The following HIVEP3 variants were observed in gnomAD, a reference collection of about 807,000 sequenced individuals.
HIVEP3 encodes transcription factor HIVEP3.
HIVEP3 carries 49 observed loss-of-function variants against 152.8 expected under a neutral mutation model. The observed-to-expected ratio is 0.32, with a 90% CI of 0.26 to 0.41. HIVEP3 has a LOEUF of 0.41. Among genes scored for constraint, HIVEP3 ranks in the 10% least tolerant of loss-of-function variants. The pLI, the probability that HIVEP3 is intolerant of heterozygous loss-of-function variation, is 1.00. For missense variants in HIVEP3, 2,790 were observed against 3,103.3 expected, an observed-to-expected ratio of 0.90 and a Z score of 2.40; for synonymous variants, 1,269 against 1,289.0, an observed-to-expected ratio of 0.98 and a Z score of 0.33.
At chr1:41,914,605 T>C (rs1227254528) in intron 1 of HIVEP3, among the ~76,000 whole-genome samples, 2 of 152,230 alleles carry the variant, frequency 1.3e-5, no homozygotes, top group East Asian at 3.8e-4. Context: ...ACTGAACACA[T>C]TGTCAGAGGG....
At chr1:41,756,952 C>T (rs1425356805) in intron 1 of HIVEP3, among the ~76,000 whole-genome samples, 1 of 151,934 alleles carries the variant, frequency 6.6e-6, no homozygotes, top group Non-Finnish European at 1.5e-5. Context: ...AAAATATTAG[C>T]AATGGTTGGC....
chr1:41,510,831 T>C lies in HIVEP3; in HGVS notation c.6841A>G (p.Thr2281Ala), dbSNP rs1558012677. ...GGAGGCCTGCCCGGGCCTCCGCCGGTCCTCTCCCTCTCCTTGGGGTAGTCC... is the reference window on the plus strand; with the variant it reads ...GGAGGCCTGCCCGGGCCTCCGCCGGCCCTCTCCCTCTCCTTGGGGTAGTCC... ...GGDYPKERER[T>A]GGGPGRPPDW... The change falls in exon 9 of 9, where the codon ACC (threonine) becomes GCC (alanine). Residue 2281 changes from threonine (T) to alanine (A), a missense_variant. Around this residue, in one of 9 missense-constraint regions of HIVEP3, gnomAD observed 816 missense variants for 806.5 expected, o/e 1.01. Coordinates refer to ENST00000372583, the MANE Select transcript of HIVEP3 (RefSeq NM_024503.5). 14 of 1,612,942 alleles carry C rather than the reference T, an allele frequency of 8.7e-6. No homozygotes were observed. The highest frequency in any genetic ancestry group is 1.0e-5 in the Non-Finnish European group (12 of 1,179,798).
At chr1:41,920,549 A>T (rs1170008853), upstream of HIVEP3, among the ~76,000 whole-genome samples, 1 of 151,860 alleles carries the variant, frequency 6.6e-6, no homozygotes, top group Non-Finnish European at 1.5e-5. Flanking sequence ...CTAAAAAAAA[A>T]TCAGTAAGAC....
At chr1:41,645,510 C>T (rs935655511) in intron 2 of HIVEP3, among the ~76,000 whole-genome samples, 3 of 152,238 alleles carry the variant, frequency 2.0e-5, no homozygotes, top group Non-Finnish European at 4.4e-5. Context: ...TCCACATGCA[C>T]CTGTGCAGTG....
At position 41,510,673 on chromosome 1, in the gene HIVEP3, C is replaced by T. The variant is rs1427909362; in HGVS notation, c.6999G>A (p.Glu2333=). Residue 2333 remains glutamate, a synonymous_variant, in exon 9 of 9, where the codon GAG becomes GAA. Coordinates refer to ENST00000372583, the MANE Select transcript of HIVEP3 (RefSeq NM_024503.5). The part of the protein sequence containing the change: ...RAAQSWSPRL[E]SPRAPTNPEP... ...CGGGGTTGGTCGGTGCACGCGGGGA[C>T]TCCAAGCGGGGGCTCCAGGACTGCG... 11 of 1,524,162 alleles carry T rather than the reference C, an allele frequency of 7.2e-6. No homozygotes were observed. Among genetic ancestry groups the T allele is most frequent in the Admixed American group, 2.0e-5 (1 of 49,550 alleles). The allele number at this position is 1,524,162 out of a possible 1,614,324, so 94.4% of individuals were successfully genotyped here.
intron 5 of HIVEP3, among the ~76,000 whole-genome samples, chr1:41,541,076 G>A (rs1032113032): frequency 6.6e-6 from 1 of 152,142 alleles, no homozygotes; most frequent in African/African-American, 2.4e-5. Context: ...GAGTGCAGTG[G>A]TTAGGCATGG....
At chr1:41,682,200 G>T (rs1385842087) in intron 2 of HIVEP3, among the ~76,000 whole-genome samples, 1 of 152,078 alleles carries the variant, frequency 6.6e-6, no homozygotes, top group Non-Finnish European at 1.5e-5. Flanking sequence ...TGCATGCTTG[G>T]TGCTCACTGT....
At chr1:41,524,056 A>T (rs1393416238) in intron 6 of HIVEP3, among the ~76,000 whole-genome samples, 2 of 151,826 alleles carry the variant, frequency 1.3e-5, no homozygotes, top group African/African-American at 4.8e-5. Flanking sequence ...ATCACCCATC[A>T]CAGCTCTCTG....
In HIVEP3 at chr1:41,513,085, C is replaced by A. The variant is rs748922029; in HGVS notation, c.6136G>T (p.Ala2046Ser). Residue 2046 changes from alanine (A) to serine (S), a missense_variant, in exon 8 of 9, where the codon GCC becomes TCC. Ala to Ser is a moderately conservative substitution (Grantham distance 99, BLOSUM62 1). Transcript: ENST00000372583. ...LTLCPLGREL[A>S]PRAHVLSKLE... The stretch of plus-strand genomic sequence containing the variant: ...TTGGAGAGCACATGTGCTCGAGGGG[C>A]CAGTTCTCTTCCCAGGGGGCAGAGG... 1 of 1,613,778 alleles carries A rather than the reference C, an allele frequency of 6.2e-7. No homozygotes were observed. Among genetic ancestry groups the A allele is most frequent in the African/African-American group, 1.3e-5 (1 of 74,942 alleles).
intron 2 of HIVEP3, among the ~76,000 whole-genome samples, chr1:41,646,666 C>T (rs1338543354): frequency 6.6e-6 from 1 of 152,228 alleles, no homozygotes; most frequent in Non-Finnish European, 1.5e-5. Context: ...AGCACGACTA[C>T]AGAGTCCTCT....
chr1:41,920,577 G>GTTTTT (rs10708045), upstream of HIVEP3, among the ~76,000 whole-genome samples: 4 of 123,178 alleles, frequency 3.2e-5, no homozygotes, highest in Non-Finnish European at 3.9e-5. Context: ...AAACAAGATG[G>GTTTTT]TTTTTTTTTT....
intron 1 of HIVEP3, among the ~76,000 whole-genome samples, chr1:41,751,003 C>T (rs4660563): frequency 0.84 from 128,186 of 152,116 alleles, 57,475 homozygotes; most frequent in Non-Finnish European, 1. Flanking sequence ...TGTGAGACAC[C>T]GCACCGCACC....
chr1:41,688,285 GCA>G (rs1646143278), intron 2 of HIVEP3, among the ~76,000 whole-genome samples: 1 of 152,238 alleles, frequency 6.6e-6, no homozygotes, highest in Admixed American at 6.5e-5. Context: ...AGGTATCAAA[GCA>G]CACTTCCCTG....
intron 1 of HIVEP3, among the ~76,000 whole-genome samples, chr1:41,818,655 G>T (rs750224701): frequency 1.3e-5 from 2 of 152,126 alleles, no homozygotes; most frequent in Non-Finnish European, 2.9e-5. Flanking sequence ...ATACCATACC[G>T]AATGAAAACG....
At chr1:41,716,046 G>A (rs1646587911) in intron 1 of HIVEP3, among the ~76,000 whole-genome samples, 1 of 152,210 alleles carries the variant, frequency 6.6e-6, no homozygotes, top group Admixed American at 6.5e-5. Context: ...CAGGAGAACG[G>A]CAGGGTGACA....
intron 1 of HIVEP3, among the ~76,000 whole-genome samples, chr1:41,714,552 G>A (rs1273473925): frequency 6.6e-6 from 1 of 152,176 alleles, no homozygotes; most frequent in Non-Finnish European, 1.5e-5. Context: ...TCCAGAACAC[G>A]GGTTCTTTCT....
chr1:41,731,494 A>T (rs1055153861), intron 1 of HIVEP3, among the ~76,000 whole-genome samples: 7 of 152,234 alleles, frequency 4.6e-5, no homozygotes, highest in African/African-American at 1.7e-4. Flanking sequence ...CACTGAATGG[A>T]ACTGACCTAT....
chr1:42,003,906 T>C (rs1421385657), intron 1 of HIVEP3, among the ~76,000 whole-genome samples: 3 of 152,112 alleles, frequency 2.0e-5, no homozygotes, highest in African/African-American at 7.2e-5. Flanking sequence ...TGCTGTTAAA[T>C]GTGTCGTTTT....
At chr1:41,534,403 C>T (rs1355931847) in intron 5 of HIVEP3, among the ~76,000 whole-genome samples, 1 of 152,054 alleles carries the variant, frequency 6.6e-6, no homozygotes, top group Non-Finnish European at 1.5e-5. Context: ...AGCCTTGCAT[C>T]CCTGCCCCAG....
Sources: allele counts gnomAD v4.1 joint callset (sites outside exome capture counted in the v4.1 genomes callset), GRCh38; gene constraint gnomAD v4.1.1; regional missense constraint gnomAD v4.1.1; transcripts MANE v1.5; gene names NCBI Gene and HGNC (gene_info 2026-07-23, HGNC 2026-07-21).